The following ARSJ variants were observed in gnomAD, a reference collection of about 807,000 sequenced individuals.
The protein encoded by ARSJ is arylsulfatase family member J, also known as arylsulfatase J.
In ARSJ, 26 loss-of-function variants were observed where a neutral mutation model predicts 35.9. The observed-to-expected ratio is 0.72, with a 90% CI of 0.53 to 1.00. The LOEUF (loss-of-function observed/expected upper bound fraction) is 1.00. ARSJ is among the 50% of genes least tolerant of loss of function. The probability of loss-of-function intolerance (pLI) is 0.00; values close to 1 mark genes in which losing one functional copy is unlikely to be tolerated. For synonymous variants in ARSJ, 294 were observed against 267.6 expected (o/e 1.10, Z -0.96); for missense variants, 667 against 723.6 (o/e 0.92, Z 0.90).
intron 1 of ARSJ, among the ~76,000 whole-genome samples, chr4:113,909,261 T>C (rs558140453): frequency 1.1e-4 from 17 of 152,088 alleles, no homozygotes; most frequent in Non-Finnish European, 2.1e-4. Context: ...ATGGTCAATA[T>C]TATAAAGAGG....
chr4:113,932,246 T>C (rs1330278984), intron 1 of ARSJ, among the ~76,000 whole-genome samples: 1 of 151,992 alleles, frequency 6.6e-6, no homozygotes, highest in Non-Finnish European at 1.5e-5. Context: ...AAGGCAGTGA[T>C]GGACTGTAAT....
intron 1 of ARSJ, among the ~76,000 whole-genome samples, chr4:113,942,956 G>C (rs1411698547): frequency 6.6e-6 from 1 of 151,884 alleles, no homozygotes; most frequent in Non-Finnish European, 1.5e-5. Context: ...CAAAACATCT[G>C]TCTCCTAAGA....
intron 1 of ARSJ, among the ~76,000 whole-genome samples, chr4:113,938,895 G>A (rs1166880132): frequency 6.6e-6 from 1 of 151,712 alleles, no homozygotes; most frequent in African/African-American, 2.4e-5. Context: ...AGTCAGAATG[G>A]CAATTATTTT....
intron 1 of ARSJ, among the ~76,000 whole-genome samples, chr4:113,936,147 T>C (rs1333041172): frequency 6.6e-6 from 1 of 151,912 alleles, no homozygotes; most frequent in Admixed American, 6.6e-5. Context: ...TGTTCATGTA[T>C]TGTACAGTGC....
chr4:113,903,743 C>A, intron 1 of ARSJ, 68 bp from the exon 2 acceptor site: 1 of 1,489,612 alleles, frequency 6.7e-7, no homozygotes, highest in Non-Finnish European at 9.0e-7. Context: ...AAACAATGAT[C>A]CCTAAATTAA....
At chr4:113,926,945 C>T (rs764524294) in intron 1 of ARSJ, among the ~76,000 whole-genome samples, 76 of 152,136 alleles carry the variant, frequency 5.0e-4, no homozygotes, top group Non-Finnish European at 8.8e-4. Context: ...AAACAGCATC[C>T]CTATCTGCCA....
At chr4:113,972,425 T>C (rs1727331966) in intron 1 of ARSJ, among the ~76,000 whole-genome samples, 1 of 151,902 alleles carries the variant, frequency 6.6e-6, no homozygotes, top group Non-Finnish European at 1.5e-5. Flanking sequence ...TCTATGTCCC[T>C]CCTCTACTCT....
chr4:113,911,908 C>G (rs1202365781), intron 1 of ARSJ, among the ~76,000 whole-genome samples: 1 of 151,958 alleles, frequency 6.6e-6, no homozygotes, highest in African/African-American at 2.4e-5. Context: ...ATGGCTAGCC[C>G]ATTATATCAT....
intron 1 of ARSJ, chr4:113,944,113 G>C (rs1187666018): frequency 6.6e-6 from 1 of 152,246 alleles, no homozygotes; most frequent in East Asian, 1.9e-4. Flanking sequence ...GGTTTGGGCT[G>C]TGGCTTCGAA....
rs747250767 is a variant in ARSJ, at chr4:113,903,226, C to A, written c.848G>T (p.Arg283Leu). 1 of 1,614,012 alleles carries A rather than the reference C, an allele frequency of 6.2e-7. No individual in the cohort carries two copies. The highest frequency in any genetic ancestry group is 1.7e-5 in the Admixed American group (1 of 59,996). ...CCTCCTGTTTATGTTGATAATGGAT[C>A]GGTAGTGTTCGAAATACCTGCCAGG... ...QAPGRYFEHY[R>L]SIININRRRY... Residue 283 changes from arginine (R) to leucine (L), a missense_variant, in exon 2 of 2, where the codon CGA becomes CTA. Physicochemically the swap from Arg to Leu is moderately radical, Grantham distance 102. Transcript: ENST00000315366.
At chr4:113,903,728 A>G in intron 1 of ARSJ, 53 bp from the exon 2 acceptor site, 1 of 1,511,046 alleles carries the variant, frequency 6.6e-7, no homozygotes, top group Non-Finnish European at 8.9e-7. Flanking sequence ...GAGATATTCT[A>G]CATAAAACAA....
intron 1 of ARSJ, among the ~76,000 whole-genome samples, chr4:113,936,280 A>C (rs1202223215): frequency 6.6e-6 from 1 of 151,876 alleles, no homozygotes; most frequent in Non-Finnish European, 1.5e-5. Context: ...TGAAAAACAG[A>C]CTCATCACTG....
intron 1 of ARSJ, among the ~76,000 whole-genome samples, chr4:113,962,960 C>T (rs1296262121): frequency 6.6e-6 from 1 of 152,060 alleles, no homozygotes; most frequent in Non-Finnish European, 1.5e-5. Flanking sequence ...TACTTGAACA[C>T]ACCAGGGGTG....
chr4:113,909,091 A>G (rs79309209), intron 1 of ARSJ, among the ~76,000 whole-genome samples: 13,900 of 152,128 alleles, frequency 0.091, 727 homozygotes, highest in African/African-American at 0.14. Context: ...ATGTATATTT[A>G]GATTTAGAAC....
At chr4:113,975,189 A>T (rs1446470835) in intron 1 of ARSJ, among the ~76,000 whole-genome samples, 1 of 152,320 alleles carries the variant, frequency 6.6e-6, no homozygotes, top group East Asian at 1.9e-4. Context: ...TTTTAAGCAC[A>T]GTGAATTTAT....
At chr4:113,903,848 CTAAT>C (rs548158987) in intron 1 of ARSJ, among the ~76,000 whole-genome samples, 173 bp from the exon 2 acceptor site, 282 of 152,308 alleles carry the variant, frequency 1.9e-3, no homozygotes, top group African/African-American at 6.5e-3. Flanking sequence ...AAGTCTTACT[CTAAT>C]TAACTTCCTA....
intron 1 of ARSJ, among the ~76,000 whole-genome samples, chr4:113,924,846 C>T (rs1172418198): frequency 1.3e-5 from 2 of 152,118 alleles, no homozygotes; most frequent in Admixed American, 6.6e-5. Flanking sequence ...GTCACATGGT[C>T]GTAGCTGGTA....
intron 1 of ARSJ, among the ~76,000 whole-genome samples, chr4:113,935,498 C>A (rs1035305726): frequency 2.6e-5 from 4 of 151,830 alleles, no homozygotes; most frequent in African/African-American, 2.4e-5. Context: ...AGAGGAGGAA[C>A]CTATTTCTGG....
intron 1 of ARSJ, among the ~76,000 whole-genome samples, chr4:113,912,078 A>G (rs1209731383): frequency 6.6e-6 from 1 of 152,226 alleles, no homozygotes; most frequent in Non-Finnish European, 1.5e-5. Context: ...ATAAAAATGC[A>G]GTTAATTTAA....
Sources: allele counts gnomAD v4.1 joint callset (sites outside exome capture counted in the v4.1 genomes callset), GRCh38; gene constraint gnomAD v4.1.1; transcripts MANE v1.5; gene names NCBI Gene and HGNC (gene_info 2026-07-23, HGNC 2026-07-21).